ARSB: variants seen among roughly 807,000 people sequenced by gnomAD.
ARSB encodes N-acetylgalactosamine-4-sulfatase.
A neutral mutation model predicts 50.9 loss-of-function variants in ARSB; 41 were observed. The ratio of observed to expected loss-of-function variants is 0.81; its 90% CI spans 0.63 to 1.04. The LOEUF (loss-of-function observed/expected upper bound fraction) is 1.04, where lower values mean the gene tolerates loss of function less well. ARSB is among the 50% of genes least tolerant of loss of function. ARSB has a pLI of 0.00. For synonymous variants in ARSB, 269 were observed against 284.8 expected, an observed-to-expected ratio of 0.94 and a Z score of 0.56; for missense variants, 672 against 693.3, an observed-to-expected ratio of 0.97 and a Z score of 0.35.
chr5:78,867,507 AC>A (rs1177833903), intron 5 of ARSB, among the ~76,000 whole-genome samples: 1 of 152,074 alleles, frequency 6.6e-6, no homozygotes, highest in Admixed American at 6.5e-5. Context: ...TGGGTCCCTG[AC>A]CCCTGACCCC....
At chr5:78,963,706 A>T (rs1752091431) in intron 3 of ARSB, among the ~76,000 whole-genome samples, 1 of 152,168 alleles carries the variant, frequency 6.6e-6, no homozygotes, top group South Asian at 2.1e-4. Flanking sequence ...CAGTATAGTA[A>T]ATGTGAAAAA....
At chr5:78,797,204 C>T (rs958477252) in intron 6 of ARSB, among the ~76,000 whole-genome samples, 7 of 152,252 alleles carry the variant, frequency 4.6e-5, no homozygotes, top group African/African-American at 1.2e-4. Context: ...CCTTGTGATC[C>T]GCCTGCCTTG....
At chr5:78,917,857 G>C (rs1040682894) in intron 4 of ARSB, among the ~76,000 whole-genome samples, 2 of 152,132 alleles carry the variant, frequency 1.3e-5, no homozygotes, top group African/African-American at 4.8e-5. Context: ...AGGTTCAAGG[G>C]GGAATCAAGG....
intron 6 of ARSB, among the ~76,000 whole-genome samples, chr5:78,821,292 C>T (rs1042157364): frequency 1.3e-5 from 2 of 152,110 alleles, no homozygotes; most frequent in Non-Finnish European, 2.9e-5. Flanking sequence ...TCCACCAGCA[C>T]GCCCAGCTAA....
chr5:78,860,347 T>C (rs1027325606), intron 5 of ARSB, among the ~76,000 whole-genome samples: 1 of 151,974 alleles, frequency 6.6e-6, no homozygotes, highest in African/African-American at 2.4e-5. Flanking sequence ...CTAGCTCTTC[T>C]TGCTGAATTG....
intron 4 of ARSB, among the ~76,000 whole-genome samples, chr5:78,897,767 T>C (rs1748631835): frequency 6.6e-6 from 1 of 151,954 alleles, no homozygotes; most frequent in Non-Finnish European, 1.5e-5. Flanking sequence ...TTTTCAGATC[T>C]AAAATATATT....
chr5:78,799,922 C>T (rs1743320321), intron 6 of ARSB, among the ~76,000 whole-genome samples: 1 of 152,186 alleles, frequency 6.6e-6, no homozygotes. Flanking sequence ...TTGCGACCAA[C>T]CTCTTTCTTG....
At chr5:78,923,919 A>G (rs1749937279) in intron 4 of ARSB, among the ~76,000 whole-genome samples, 1 of 152,182 alleles carries the variant, frequency 6.6e-6, no homozygotes, top group African/African-American at 2.4e-5. Flanking sequence ...GTTTCCTGAA[A>G]GCGAGGTTCC....
chr5:78,921,685 T>G (rs1749821295), intron 4 of ARSB, among the ~76,000 whole-genome samples: 1 of 152,182 alleles, frequency 6.6e-6, no homozygotes, highest in Non-Finnish European at 1.5e-5. Context: ...ACAAATACAG[T>G]ATGTGGAAAT....
At chr5:78,967,736 G>C (rs1165164141) in intron 2 of ARSB, among the ~76,000 whole-genome samples, 2 of 151,144 alleles carry the variant, frequency 1.3e-5, no homozygotes, top group Non-Finnish European at 2.9e-5. Context: ...CTAGAGCCAT[G>C]CAACTTTTCT....
chr5:78,820,454 G>A (rs11743312), intron 6 of ARSB, among the ~76,000 whole-genome samples: 5 of 151,808 alleles, frequency 3.3e-5, no homozygotes, highest in East Asian at 1.9e-4. Context: ...CCACCTACTC[G>A]GGAGGCTGAG....
intron 6 of ARSB, among the ~76,000 whole-genome samples, chr5:78,831,889 AG>A (rs1474991784): frequency 6.6e-6 from 1 of 152,222 alleles, no homozygotes; most frequent in African/African-American, 2.4e-5. Context: ...AGACCCAAAA[AG>A]AAATAAAAAT....
At chr5:78,845,038 C>T (rs917375664) in intron 5 of ARSB, among the ~76,000 whole-genome samples, 1 of 151,960 alleles carries the variant, frequency 6.6e-6, no homozygotes, top group Non-Finnish European at 1.5e-5. Context: ...TTCTCCTCTC[C>T]CCTACCCTTC....
At chr5:78,899,129 G>T (rs1372541594) in intron 4 of ARSB, among the ~76,000 whole-genome samples, 2 of 152,130 alleles carry the variant, frequency 1.3e-5, no homozygotes, top group African/African-American at 4.8e-5. Context: ...ATCTGAAAAT[G>T]CCATTCCACT....
chr5:78,901,391 A>G (rs1481806539), intron 4 of ARSB, among the ~76,000 whole-genome samples: 1 of 152,208 alleles, frequency 6.6e-6, no homozygotes, highest in Non-Finnish European at 1.5e-5. Flanking sequence ...AAATAGAAGA[A>G]CAGAGTTAGA....
chr5:78,852,789 C>T (rs377298941), intron 5 of ARSB, among the ~76,000 whole-genome samples: 39,419 of 151,490 alleles, frequency 0.26, 6,778 homozygotes, highest in African/African-American at 0.5. Context: ...CTTCCCTTCT[C>T]GCTTCATTTC....
intron 5 of ARSB, among the ~76,000 whole-genome samples, chr5:78,851,566 T>C (rs1304219242): frequency 6.6e-6 from 1 of 152,162 alleles, no homozygotes; most frequent in Non-Finnish European, 1.5e-5. Flanking sequence ...TCTGTAGATG[T>C]CTATTAGGTC....
chr5:78,984,246 C>T (rs1753042910), intron 1 of ARSB, among the ~76,000 whole-genome samples: 2 of 152,194 alleles, frequency 1.3e-5, no homozygotes, highest in African/African-American at 4.8e-5. Flanking sequence ...TGCAAATGTT[C>T]TTGATATTCT....
At chr5:78,781,326 T>C (rs1748920052) in intron 7 of ARSB, among the ~76,000 whole-genome samples, 3 of 137,778 alleles carry the variant, frequency 2.2e-5, no homozygotes, top group Non-Finnish European at 4.6e-5. Flanking sequence ...TCTCTCTCTT[T>C]TTTTTTTTTT....
Sources: gnomAD v4.1 joint callset for allele counts (sites outside exome capture counted in the v4.1 genomes callset) on GRCh38, gnomAD v4.1.1 for gene constraint, MANE v1.5 for transcripts, NCBI Gene and HGNC (gene_info 2026-07-23, HGNC 2026-07-21) for gene names.